The following GYS2 variants were observed in gnomAD, a reference collection of about 807,000 sequenced individuals.
The protein encoded by GYS2 is glycogen synthase 2.
GYS2 carries 80 observed loss-of-function variants against 85.6 expected under a neutral mutation model. The observed-to-expected ratio is 0.93, with a 90% CI of 0.78 to 1.13. The LOEUF is 1.13. Among genes scored for constraint, GYS2 ranks in the 50% most tolerant of loss-of-function variants. The probability of loss-of-function intolerance (pLI) is 0.00; values close to 1 mark genes in which losing one functional copy is unlikely to be tolerated. For synonymous variants in GYS2, 328 were observed against 300.7 expected (o/e 1.09, Z -0.94); for missense variants, 881 against 854.9 (o/e 1.03, Z -0.38).
intron 1 of GYS2, among the ~76,000 whole-genome samples, chr12:21,585,773 C>T (rs1591806797): frequency 6.6e-6 from 1 of 152,142 alleles, no homozygotes; most frequent in African/African-American, 2.4e-5. Flanking sequence ...AAAATATATA[C>T]ATTTTACTTC....
intron 13 of GYS2, among the ~76,000 whole-genome samples, chr12:21,542,015 T>C (rs961038400): frequency 6.6e-6 from 1 of 151,956 alleles, no homozygotes; most frequent in African/African-American, 2.4e-5. Context: ...GCTGCGTCCA[T>C]GTTGCTGCAA....
intron 2 of GYS2, among the ~76,000 whole-genome samples, chr12:21,577,271 A>T (rs1363371620): frequency 1.3e-5 from 2 of 152,218 alleles, no homozygotes; most frequent in Non-Finnish European, 2.9e-5. Context: ...ATACACTGTG[A>T]ATAACATGTA....
chr12:21,543,271 C>T lies in GYS2; in HGVS notation c.1550-680G>A, dbSNP rs183524541. On this transcript the variant is annotated intron_variant, in intron 12 of 15. Transcript: ENST00000261195. Reference sequence around the variant, plus strand: ...GAGTGGAGTTGGATGAAAAAAAGATCTTCCCATTACCCATGAAGTAATACA... The same window carrying T: ...GAGTGGAGTTGGATGAAAAAAAGATTTTCCCATTACCCATGAAGTAATACA... Among the ~76,000 whole-genome samples the T allele has an allele frequency of 2.6e-5, 4 of 152,312 alleles. No individual in the cohort carries two copies. The East Asian group carries it at 7.7e-4, about 29-fold the overall frequency.
At chr12:21,535,865 TG>T (rs574633563), downstream of GYS2, among the ~76,000 whole-genome samples, 266 of 152,364 alleles carry the variant, frequency 1.7e-3, 1 homozygote, top group Non-Finnish European at 3.2e-3. Context: ...GTTTTTGTTT[TG>T]TTGCCAATTT....
intron 1 of GYS2, among the ~76,000 whole-genome samples, chr12:21,602,343 C>T (rs1195087310): frequency 1.3e-5 from 2 of 151,966 alleles, no homozygotes; most frequent in Admixed American, 6.6e-5. Flanking sequence ...CATTAAATAC[C>T]TCTACGAATC....
At chr12:21,592,092 C>T (rs1351307520) in intron 1 of GYS2, among the ~76,000 whole-genome samples, 1 of 148,878 alleles carries the variant, frequency 6.7e-6, no homozygotes, top group Non-Finnish European at 1.5e-5. Context: ...AGAGAAAGAA[C>T]TCAAACGTTA....
chr12:21,588,812 G>T (rs1474923213), intron 1 of GYS2, among the ~76,000 whole-genome samples: 4 of 152,170 alleles, frequency 2.6e-5, no homozygotes, highest in Admixed American at 1.3e-4. Flanking sequence ...TCAAATTCTG[G>T]ACAATTTTAG....
intron 11 of GYS2, among the ~76,000 whole-genome samples, chr12:21,550,670 G>A (rs1046515129): frequency 2.3e-4 from 35 of 152,164 alleles, no homozygotes; most frequent in Non-Finnish European, 3.8e-4. Context: ...GCCGGGTACC[G>A]TGGCTCACTG....
At chr12:21,585,814 A>G (rs897327820) in intron 1 of GYS2, among the ~76,000 whole-genome samples, 3 of 152,208 alleles carry the variant, frequency 2.0e-5, no homozygotes, top group South Asian at 2.1e-4. Flanking sequence ...CATAAGATTT[A>G]TTGACTTCAT....
chr12:21,574,101 T>C (rs1325091580), intron 4 of GYS2, 43 bp downstream of exon 4: 2 of 1,458,922 alleles, frequency 1.4e-6, no homozygotes, highest in South Asian at 2.3e-5. Flanking sequence ...TTCAGCAATC[T>C]GAAAGAAGGG....
At chr12:21,563,553 A>T (rs1944281584) in intron 5 of GYS2, among the ~76,000 whole-genome samples, 1 of 152,214 alleles carries the variant, frequency 6.6e-6, no homozygotes. Context: ...GAAATAGGAA[A>T]TCAGAAATGC....
intron 7 of GYS2, among the ~76,000 whole-genome samples, chr12:21,561,443 G>A (rs1416374734): frequency 1.3e-5 from 2 of 152,074 alleles, no homozygotes; most frequent in African/African-American, 4.8e-5. Context: ...CATTTTATTA[G>A]GGAAAGCTAC....
At chr12:21,579,349 C>CTT (rs58750123) in intron 2 of GYS2, among the ~76,000 whole-genome samples, 7 of 88,674 alleles carry the variant, frequency 7.9e-5, no homozygotes, top group African/African-American at 1.6e-4. Context: ...CTTACTTCTT[C>CTT]TTTTTTTTTT....
In GYS2 at chr12:21,536,318, A is replaced by G; in HGVS notation, c.*636T>C. 1 of 152,722 alleles carries G rather than the reference A, an allele frequency of 6.5e-6. No homozygotes were observed. 9.5% of individuals were successfully genotyped at this position (152,722 alleles called of 1,614,324 possible). On this transcript the variant is annotated 3_prime_UTR_variant, in exon 16 of 16. Transcript: ENST00000261195. ...AATGTTACAGTAAGATGGTGGTACC[A>G]TGTACATGGTAATATCTTGCATTAA...
At chr12:21,576,711 C>A (rs1266159941) in intron 2 of GYS2, among the ~76,000 whole-genome samples, 1 of 152,120 alleles carries the variant, frequency 6.6e-6, no homozygotes, top group African/African-American at 2.4e-5. Context: ...TTATCTTCTG[C>A]AAGTTTTAAT....
At chr12:21,585,477 TG>T (rs1175315365) in intron 1 of GYS2, among the ~76,000 whole-genome samples, 14 of 150,802 alleles carry the variant, frequency 9.3e-5, no homozygotes, top group Non-Finnish European at 4.4e-5. Context: ...AGTTTTACCA[TG>T]TCCTGGAATT....
Position 21,540,417 on chromosome 12 carries a change from A to C in GYS2, c.1802T>G (p.Leu601Ter), listed in dbSNP as rs545600909. ...TTATCTAAACTTGCTTACTCTGCCTAAGTATCTCCAATCCAGAAGATCTGA... is the reference window on the plus strand; with the variant it reads ...TTATCTAAACTTGCTTACTCTGCCTCAGTATCTCCAATCCAGAAGATCTGA... Reference protein sequence around the residue: ...RLSDLLDWRYLGRYYQHARHL... With the variant: ...RLSDLLDWRY The change falls in exon 14 of 16, where the codon TTA (leucine) becomes TGA (stop). Residue 601 changes from leucine to a stop codon, truncating the protein, a stop_gained. Transcript: ENST00000261195. LOFTEE classifies it high-confidence loss of function. 5.6e-6 allele frequency: 9 copies of C among 1,613,824 alleles called. No individual in the cohort carries two copies. The South Asian group carries it at 9.9e-5, about 18-fold the overall frequency.
chr12:21,575,553 T>C (rs1300663948), intron 3 of GYS2, among the ~76,000 whole-genome samples: 38 of 152,092 alleles, frequency 2.5e-4, no homozygotes, highest in Admixed American at 2.5e-3. Flanking sequence ...ACTCTTAAGA[T>C]TCTATACTTC....
chr12:21,546,425 G>C lies in GYS2; in HGVS notation c.1468C>G (p.Pro490Ala). Residue 490 changes from proline (P) to alanine (A), a missense_variant, in exon 12 of 16, where the codon CCC becomes GCC. Transcript: ENST00000261195. Reference protein sequence around the residue: ...EFLSSTSPLLPMDYEEFVRGC... With the variant: ...EFLSSTSPLLAMDYEEFVRGC... ...CTAACAAACTCTTCATAGTCCATGG[G>C]TAGTAAGGGACTGGTGGAGGATAGA... 1 of 1,585,166 alleles carries C rather than the reference G, an allele frequency of 6.3e-7. No homozygotes were observed. Among genetic ancestry groups the C allele is most frequent in the East Asian group, 2.2e-5 (1 of 44,674 alleles).
Sources: allele counts gnomAD v4.1 joint callset (sites outside exome capture counted in the v4.1 genomes callset), GRCh38; gene constraint gnomAD v4.1.1; transcripts MANE v1.5; gene names NCBI Gene and HGNC (gene_info 2026-07-23, HGNC 2026-07-21).